The following SPTLC3 variants were observed in gnomAD, a reference collection of about 807,000 sequenced individuals.
SPTLC3 encodes serine palmitoyltransferase long chain base subunit 3.
Under a neutral mutation model 59.3 loss-of-function variants are expected in SPTLC3, and 36 were observed. The ratio of observed to expected loss-of-function variants is 0.61; its 90% CI spans 0.47 to 0.80. The LOEUF is 0.80. Ranked by LOEUF, SPTLC3 falls within the 30% of genes least tolerant of loss-of-function variation. The pLI, the probability that SPTLC3 is intolerant of heterozygous loss-of-function variation, is 0.00. For synonymous variants in SPTLC3, 257 were observed against 240.8 expected (o/e 1.07, Z -0.62); for missense variants, 625 against 685.1 (o/e 0.91, Z 0.98).
At chr20:13,085,790 T>A (rs1296064740) in intron 4 of SPTLC3, among the ~76,000 whole-genome samples, 1 of 152,218 alleles carries the variant, frequency 6.6e-6, no homozygotes, top group South Asian at 2.1e-4. Context: ...ATCTTGAATC[T>A]AATTTTTGAT....
intron 1 of SPTLC3, among the ~76,000 whole-genome samples, chr20:13,048,391 G>C (rs1987324725): frequency 6.6e-6 from 1 of 152,182 alleles, no homozygotes. Context: ...GACCAGGACA[G>C]TTGTCCTATA....
chr20:13,107,552 T>C (rs968870282), intron 6 of SPTLC3, among the ~76,000 whole-genome samples: 19 of 152,070 alleles, frequency 1.2e-4, no homozygotes, highest in African/African-American at 3.9e-4. Context: ...AAGAACACAA[T>C]AGTGATGCCA....
intron 9 of SPTLC3, among the ~76,000 whole-genome samples, chr20:13,134,361 G>A (rs1326412794): frequency 6.6e-6 from 1 of 152,174 alleles, no homozygotes; most frequent in Non-Finnish European, 1.5e-5. Context: ...ATTCTTGTCT[G>A]CAGGCATGTC....
chr20:13,138,135 T>G (rs2038293165), intron 9 of SPTLC3, among the ~76,000 whole-genome samples: 1 of 152,228 alleles, frequency 6.6e-6, no homozygotes, highest in African/African-American at 2.4e-5. Context: ...TAGCACTTAT[T>G]ACCTCCTTGA....
intron 1 of SPTLC3, among the ~76,000 whole-genome samples, chr20:13,037,977 TCA>T: frequency 6.6e-6 from 1 of 150,828 alleles, no homozygotes; most frequent in East Asian, 1.9e-4. Context: ...TCAGAGTCCA[TCA>T]GCCAGAATGA....
Position 13,143,795 on chromosome 20 carries a change from A to AAC in SPTLC3, c.1280-10204_1280-10203dup, listed in dbSNP as rs754900950. ...CAGAGCCCTTTCAAGGAACCACATTAACACAATTACTCAGCCTAGTATCTG... is the reference window on the plus strand; with the variant it reads ...CAGAGCCCTTTCAAGGAACCACATTAACACACAATTACTCAGCCTAGTATCTG... On this transcript the variant is annotated intron_variant, in intron 9 of 11. Transcript: ENST00000399002. Among the ~76,000 whole-genome samples, 139 of 152,320 alleles carry AAC rather than the reference A, an allele frequency of 9.1e-4. 1 individual carries two copies. The highest frequency in any genetic ancestry group is 6.8e-3 in the Middle Eastern group (2 of 294).
At chr20:13,107,160 G>C (rs1273306895) in intron 6 of SPTLC3, among the ~76,000 whole-genome samples, 1 of 152,176 alleles carries the variant, frequency 6.6e-6, no homozygotes, top group African/African-American at 2.4e-5. Context: ...ACAAACGTCT[G>C]GGCCCTGACC....
At chr20:13,023,511 C>G (rs1985997404) in intron 1 of SPTLC3, among the ~76,000 whole-genome samples, 2 of 152,146 alleles carry the variant, frequency 1.3e-5, no homozygotes, top group Admixed American at 1.3e-4. Flanking sequence ...CAAATCTGTT[C>G]TTTGCAAGAA....
chr20:13,069,618 G>A (rs7268756), intron 2 of SPTLC3, among the ~76,000 whole-genome samples: 31,420 of 151,950 alleles, frequency 0.21, 3,345 homozygotes, highest in East Asian at 0.26. Context: ...TCGCTCACCC[G>A]CTGCTCACCT....
At chr20:13,081,080 TAG>T (rs1988827642) in intron 4 of SPTLC3, among the ~76,000 whole-genome samples, 1 of 152,114 alleles carries the variant, frequency 6.6e-6, no homozygotes, top group African/African-American at 2.4e-5. Context: ...AAAATTAATA[TAG>T]AGAGTTTATT....
chr20:13,031,526 C>T (rs555597895), intron 1 of SPTLC3, among the ~76,000 whole-genome samples: 29 of 152,230 alleles, frequency 1.9e-4, no homozygotes, highest in Middle Eastern at 3.4e-3. Context: ...AATTATCAAA[C>T]TCCTTGTCTC....
chr20:13,040,856 C>T lies in SPTLC3; in HGVS notation c.118-8089C>T, dbSNP rs143611124. ...CATTTTTGAAGGCTAGTTTTGCCAA[C>T]ATAAGATTATTGGTTGACTTCTTAA... On this transcript the variant is annotated intron_variant, in intron 1 of 11. Transcript: ENST00000399002. Among the ~76,000 whole-genome samples the T allele has an allele frequency of 3.9e-5, 6 of 152,274 alleles. No homozygotes were observed. The East Asian group carries it at 1.2e-3, about 29-fold the overall frequency.
At position 13,081,922 on chromosome 20, in the gene SPTLC3, G is replaced by C. The variant is rs1183585565; in HGVS notation, c.607+7425G>C. The stretch of plus-strand genomic sequence containing the variant: ...AGGAGAAAAATGAAAGCATATCTTT[G>C]TTTCTTAAAGCCTTTTGGCAATTTC... On this transcript the variant is annotated intron_variant, in intron 4 of 11. Coordinates refer to ENST00000399002, the MANE Select transcript of SPTLC3 (RefSeq NM_018327.4). 2.0e-5 allele frequency among the ~76,000 whole-genome samples: 3 copies of C among 152,226 alleles called. No individual in the cohort carries two copies. The South Asian group carries it at 6.3e-4, about 32-fold the overall frequency.
At chr20:13,162,417 T>C (rs1489384207) in intron 11 of SPTLC3, among the ~76,000 whole-genome samples, 1 of 152,230 alleles carries the variant, frequency 6.6e-6, no homozygotes, top group Non-Finnish European at 1.5e-5. Context: ...ATCAGTCATC[T>C]AGACAAATGC....
At chr20:13,160,630 T>C (rs767776827) in intron 11 of SPTLC3, among the ~76,000 whole-genome samples, 31 of 152,248 alleles carry the variant, frequency 2.0e-4, no homozygotes, top group Non-Finnish European at 3.7e-4. Context: ...TCCATTGTTA[T>C]GTGAATGAGT....
At chr20:13,016,570 T>C (rs1985536805) in intron 1 of SPTLC3, among the ~76,000 whole-genome samples, 1 of 152,184 alleles carries the variant, frequency 6.6e-6, no homozygotes, top group Admixed American at 6.5e-5. Flanking sequence ...TTATCCTAAC[T>C]TCTTACTTCA....
intron 6 of SPTLC3, among the ~76,000 whole-genome samples, chr20:13,102,639 A>G (rs1989643858): frequency 6.6e-6 from 1 of 152,164 alleles, no homozygotes; most frequent in African/African-American, 2.4e-5. Context: ...TTGGTTAGGT[A>G]GATGCTGCCA....
intron 1 of SPTLC3, among the ~76,000 whole-genome samples, chr20:13,024,351 T>C (rs1417968931): frequency 1.3e-5 from 2 of 151,780 alleles, no homozygotes; most frequent in Non-Finnish European, 2.9e-5. Context: ...ATATATCTAC[T>C]ACCTAGATTC....
At chr20:13,144,992 G>A (rs1475743038) in intron 9 of SPTLC3, among the ~76,000 whole-genome samples, 1 of 151,992 alleles carries the variant, frequency 6.6e-6, no homozygotes, top group Non-Finnish European at 1.5e-5. Context: ...AGCCAGGATG[G>A]TCTTGAGCTC....
Sources: gnomAD v4.1 joint callset for allele counts (sites outside exome capture counted in the v4.1 genomes callset) on GRCh38, gnomAD v4.1.1 for gene constraint, MANE v1.5 for transcripts, NCBI Gene and HGNC (gene_info 2026-07-23, HGNC 2026-07-21) for gene names.